The following CLNK variants were observed in gnomAD, a reference collection of about 807,000 sequenced individuals.
CLNK encodes cytokine dependent hematopoietic cell linker.
In CLNK, 74 loss-of-function variants were observed where a neutral mutation model predicts 68.6. The observed-to-expected ratio is 1.08, with a 90% CI of 0.89 to 1.31. The LOEUF is 1.31. Among genes scored for constraint, CLNK ranks in the 50% most tolerant of loss-of-function variants. The pLI, the probability that CLNK is intolerant of heterozygous loss-of-function variation, is 0.00. For missense variants in CLNK, 553 were observed against 515.3 expected (o/e 1.07, Z -0.71); for synonymous variants, 198 against 172.2 (o/e 1.15, Z -1.17).
intron 2 of CLNK, among the ~76,000 whole-genome samples, chr4:10,605,688 C>T (rs566000307): frequency 4.0e-5 from 6 of 151,660 alleles, no homozygotes; most frequent in East Asian, 1.9e-4. Context: ...ATTAGCTGGG[C>T]GTGGTGGTGC....
chr4:10,542,688 A>G (rs762999621), intron 8 of CLNK, among the ~76,000 whole-genome samples: 177 of 150,558 alleles, frequency 1.2e-3, no homozygotes, highest in Admixed American at 2.8e-3. Flanking sequence ...GTGTGTATAT[A>G]TATATATATA....
intron 12 of CLNK, among the ~76,000 whole-genome samples, chr4:10,532,017 T>A (rs533322575): frequency 6.6e-6 from 1 of 152,392 alleles, no homozygotes; most frequent in African/African-American, 2.4e-5. Context: ...ACGTTCTTCC[T>A]ATAACAAATG....
chr4:10,493,333 C>G (rs1013580729), intron 18 of CLNK, among the ~76,000 whole-genome samples: 1 of 151,960 alleles, frequency 6.6e-6, no homozygotes, highest in Non-Finnish European at 1.5e-5. Context: ...CAAACAACAA[C>G]AAAAAGTACT....
intron 16 of CLNK, among the ~76,000 whole-genome samples, chr4:10,508,935 C>T (rs1026057106): frequency 4.6e-5 from 7 of 152,000 alleles, no homozygotes; most frequent in East Asian, 3.9e-4. Context: ...GGTGAAACCC[C>T]GTCTCTACTA....
At chr4:10,618,750 G>A (rs1316550176) in intron 2 of CLNK, among the ~76,000 whole-genome samples, 1 of 152,168 alleles carries the variant, frequency 6.6e-6, no homozygotes, top group Non-Finnish European at 1.5e-5. Flanking sequence ...AAAGAAAGGA[G>A]GAAGGTGCTG....
At chr4:10,527,946 T>G in intron 13 of CLNK, 130 bp downstream of exon 13, 2 of 421,448 alleles carry the variant, frequency 4.7e-6, no homozygotes, top group Non-Finnish European at 8.2e-6. Context: ...ACGTCATCGT[T>G]CACACACATA....
intron 17 of CLNK, among the ~76,000 whole-genome samples, chr4:10,501,626 C>G (rs1162985695): frequency 6.6e-6 from 1 of 152,184 alleles, no homozygotes; most frequent in Admixed American, 6.5e-5. Flanking sequence ...ACACTCTCTT[C>G]TTGAAAGTCT....
At chr4:10,520,959 A>G (rs1718035643) in intron 14 of CLNK, 128 bp from the exon 15 acceptor site, 1 of 688,778 alleles carries the variant, frequency 1.5e-6, no homozygotes, top group South Asian at 1.7e-5. Flanking sequence ...ATTTTACTGG[A>G]TATGCTAGAA....
At chr4:10,641,012 C>T (rs1363885811) in intron 2 of CLNK, among the ~76,000 whole-genome samples, 1 of 152,070 alleles carries the variant, frequency 6.6e-6, no homozygotes, top group East Asian at 1.9e-4. Flanking sequence ...CATGTCAGGG[C>T]TATTTTTCAT....
At chr4:10,564,930 C>T (rs540734764) in intron 6 of CLNK, among the ~76,000 whole-genome samples, 153 bp from the exon 7 acceptor site, 4 of 152,272 alleles carry the variant, frequency 2.6e-5, no homozygotes, top group South Asian at 2.1e-4. Context: ...AGGAGACTGA[C>T]GTATGCAGAG....
intron 2 of CLNK, among the ~76,000 whole-genome samples, chr4:10,664,961 T>G (rs1460351915): frequency 1.3e-5 from 2 of 152,224 alleles, no homozygotes; most frequent in Non-Finnish European, 2.9e-5. Context: ...ACGGATTGAC[T>G]GGCCTGAGGG....
chr4:10,650,287 T>G (rs1174597569), intron 2 of CLNK, among the ~76,000 whole-genome samples: 1 of 152,100 alleles, frequency 6.6e-6, no homozygotes, highest in East Asian at 1.9e-4. Flanking sequence ...AGTATACATC[T>G]AATCAAAGTT....
chr4:10,699,266 C>CACACACACACCATGTATGTGTGTAT, the CLNK span, among the ~76,000 whole-genome samples: 1 of 66,014 alleles, frequency 1.5e-5, no homozygotes, highest in Non-Finnish European at 2.9e-5. Context: ...TGTGTGTATA[C>CACACACACACCATGTATGTGTGTAT]ACACACACAC....
intron 2 of CLNK, among the ~76,000 whole-genome samples, chr4:10,619,560 GA>G (rs1722352191): frequency 6.6e-6 from 1 of 152,066 alleles, no homozygotes; most frequent in African/African-American, 2.4e-5. Flanking sequence ...ATTTCTGCAG[GA>G]AACATAGGTG....
intron 2 of CLNK, among the ~76,000 whole-genome samples, chr4:10,661,760 G>A (rs1035307195): frequency 6.6e-6 from 1 of 152,154 alleles, no homozygotes. Context: ...TTGACTTGAA[G>A]GTGACTTTGT....
intron 4 of CLNK, among the ~76,000 whole-genome samples, chr4:10,577,471 C>T (rs937052199): frequency 3.9e-5 from 6 of 152,162 alleles, no homozygotes; most frequent in Admixed American, 6.5e-5. Flanking sequence ...GGCACATGGT[C>T]GGAGCTACAT....
chr4:10,540,193 C>T (rs1024273983), intron 11 of CLNK, among the ~76,000 whole-genome samples: 1 of 152,270 alleles, frequency 6.6e-6, no homozygotes, highest in Non-Finnish European at 1.5e-5. Flanking sequence ...TTATACAGGG[C>T]TCTTCGCCAT....
chr4:10,669,030 A>G (rs925631142), intron 1 of CLNK, among the ~76,000 whole-genome samples: 4 of 152,216 alleles, frequency 2.6e-5, no homozygotes, highest in African/African-American at 9.6e-5. Context: ...TCCCGCAATA[A>G]GAGCTGAGGT....
At chr4:10,571,707 C>T (rs370442880) in intron 5 of CLNK, 34 bp downstream of exon 5, 48 of 1,554,736 alleles carry the variant, frequency 3.1e-5, no homozygotes, top group African/African-American at 1.9e-4. Context: ...ATATTAAAGA[C>T]GTATAAAATA....
Sources: allele counts gnomAD v4.1 joint callset (sites outside exome capture counted in the v4.1 genomes callset), GRCh38; gene constraint gnomAD v4.1.1; transcripts MANE v1.5; gene names NCBI Gene and HGNC (gene_info 2026-07-23, HGNC 2026-07-21).